Variants in FCGR1A observed in about 807,000 individuals in gnomAD.
FCGR1A encodes the protein Fc gamma receptor Ia.
FCGR1A carries 13 observed loss-of-function variants against 35.0 expected under a neutral mutation model. The observed-to-expected ratio is 0.37, with a 90% CI of 0.24 to 0.59. FCGR1A has a LOEUF of 0.59. FCGR1A is among the 20% of genes least tolerant of loss of function. The probability of loss-of-function intolerance (pLI) is 0.71; values close to 1 mark genes in which losing one functional copy is unlikely to be tolerated. For missense variants in FCGR1A, 227 were observed against 430.0 expected, an observed-to-expected ratio of 0.53 and a Z score of 4.17; for synonymous variants, 91 against 164.7, an observed-to-expected ratio of 0.55 and a Z score of 3.43.
At chr1:149,793,334 A>G (rs1382028943), downstream of FCGR1A, 1 of 1,147,628 alleles carries the variant, frequency 8.7e-7, no homozygotes, top group African/African-American at 1.7e-5. Flanking sequence ...CCTCACCGTC[A>G]AAAGCAGGAA....
downstream of FCGR1A, chr1:149,793,312 CCCAGCTGGTT>C (rs1331673241): frequency 8.6e-7 from 1 of 1,158,728 alleles, no homozygotes; most frequent in African/African-American, 1.7e-5. Context: ...CGGAGGACCT[CCCAGCTGGTT>C]CCCTCACCGT....
At chr1:149,785,276 G>C (rs2102031132) in intron 3 of FCGR1A, among the ~76,000 whole-genome samples, 1 of 152,216 alleles carries the variant, frequency 6.6e-6, no homozygotes, top group East Asian at 1.9e-4. Flanking sequence ...GTTGCTGTTA[G>C]AGGAAATGTG....
At chr1:149,792,769 C>G, downstream of FCGR1A, 1 of 1,278,778 alleles carries the variant, frequency 7.8e-7, no homozygotes. Flanking sequence ...TATTTGCATT[C>G]CTGGAGGCTG....
At position 149,791,555 on chromosome 1, in the gene FCGR1A, C is replaced by T. The variant is rs1553751935; in HGVS notation, c.*38C>T. 7 of 1,609,514 alleles carry T rather than the reference C, an allele frequency of 4.3e-6. No homozygotes were observed. Among genetic ancestry groups the T allele is most frequent in the Non-Finnish European group, 5.1e-6 (6 of 1,179,038 alleles). ...GGGTGGCCATCGATCTGGACCGTCCCCTGCCCACTTGCTCCCCGTGAGCAC... is the reference window on the plus strand; with the variant it reads ...GGGTGGCCATCGATCTGGACCGTCCTCTGCCCACTTGCTCCCCGTGAGCAC... On this transcript the variant is annotated 3_prime_UTR_variant, in exon 6 of 6. Coordinates refer to ENST00000369168, the MANE Select transcript of FCGR1A (RefSeq NM_000566.4).
intron 3 of FCGR1A, chr1:149,785,582 G>A (rs1553750736): frequency 6.6e-6 from 1 of 151,572 alleles, no homozygotes; most frequent in Non-Finnish European, 1.5e-5. Context: ...AAAGGACTAG[G>A]GCTGGGAAGA....
At chr1:149,785,113 A>G (rs2091506330) in intron 3 of FCGR1A, among the ~76,000 whole-genome samples, 2 of 152,244 alleles carry the variant, frequency 1.3e-5, no homozygotes. Context: ...AGACTGCAAT[A>G]TTCTTCAGGG....
downstream of FCGR1A, among the ~76,000 whole-genome samples, chr1:149,794,655 CAG>C (rs1371774209): frequency 1.9e-5 from 1 of 51,442 alleles, no homozygotes; most frequent in African/African-American, 8.5e-5. Context: ...GGAGGGAAAA[CAG>C]AGAATAAAAC....
Position 149,790,042 on chromosome 1 carries a change from CTT to C in FCGR1A, c.560-10_560-9del. On this transcript the variant is annotated splice_polypyrimidine_tract_variant and intron_variant, in intron 4 of 5. Coordinates refer to ENST00000369168, the MANE Select transcript of FCGR1A (RefSeq NM_000566.4). ...AACAGGCAACCTTGTCCCCCATCAA[CTT>C]TCTCCTTAGAGCTATTTCCAGCTCC... 2.5e-6 allele frequency: 4 copies of C among 1,613,010 alleles called. No homozygotes were observed.
At position 149,784,253 on chromosome 1, in the gene FCGR1A, C is replaced by T. The variant is rs1205519194; in HGVS notation, c.303C>T (p.His101=). The change falls in exon 3 of 6, where the codon CAC becomes CAT. Residue 101 remains histidine (H), a synonymous_variant. Transcript: ENST00000369168. ...GRSDPIQLEI[H]RGWLLLQVSS... ...GTGACCCCATACAGCTGGAAATCCA[C>T]AGAGGTAATTATGACTTGGACCAGG... 1 of 1,611,060 alleles carries T rather than the reference C, an allele frequency of 6.2e-7. No homozygotes were observed. The highest frequency in any genetic ancestry group is 1.7e-5 in the Admixed American group (1 of 59,980).
chr1:149,797,259 CTCTTAT>C, the FCGR1A span, among the ~76,000 whole-genome samples: 4 of 152,118 alleles, frequency 2.6e-5, no homozygotes, highest in African/African-American at 4.8e-5. Flanking sequence ...TTTTCTGTTT[CTCTTAT>C]TCTTTAATTC....
In FCGR1A at chr1:149,788,580, T is replaced by C. The variant is rs2102048933; in HGVS notation, c.522T>C (p.His174=). 6.2e-7 allele frequency: 1 copy of C among 1,613,980 alleles called. No homozygotes were observed. Among genetic ancestry groups the C allele is most frequent in the Non-Finnish European group, 8.5e-7 (1 of 1,179,868 alleles). ...ACCATTGCTCAGGCATGGGAAAGCATCGCTACACATCAGCAGGAATATCTG... is the reference window on the plus strand; with the variant it reads ...ACCATTGCTCAGGCATGGGAAAGCACCGCTACACATCAGCAGGAATATCTG... The part of the protein sequence containing the change: ...GTYHCSGMGK[H]RYTSAGISVT... The change falls in exon 4 of 6, where the codon CAT becomes CAC. Residue 174 remains histidine, a synonymous_variant. Transcript: ENST00000369168.
the FCGR1A span, among the ~76,000 whole-genome samples, chr1:149,799,913 T>C: frequency 6.6e-6 from 1 of 152,086 alleles, no homozygotes. Context: ...AAGCAATCAG[T>C]TCTGCAGTGG....
chr1:149,784,086 C>T lies in FCGR1A; in HGVS notation c.136C>T (p.Leu46Phe), dbSNP rs782120618. ...AACCGTAACCTTGCACTGTGAGGTG[C>T]TCCATCTGCCTGGGAGCAGCTCTAC... ...EETVTLHCEV[L>F]HLPGSSSTQW... Residue 46 changes from leucine to phenylalanine, a missense_variant, in exon 3 of 6, where the codon CTC becomes TTC. Transcript: ENST00000369168. 1 of 1,611,518 alleles carries T rather than the reference C, an allele frequency of 6.2e-7. No homozygotes were observed. Among genetic ancestry groups the T allele is most frequent in the South Asian group, 1.1e-5 (1 of 90,976 alleles).
intron 4 of FCGR1A, 123 bp from the exon 5 acceptor site, chr1:149,789,931 G>T (rs2091659013): frequency 1.9e-6 from 3 of 1,588,674 alleles, no homozygotes; most frequent in African/African-American, 1.4e-5. Flanking sequence ...AGTAAAAAGG[G>T]TTAATGCCTT....
chr1:149,785,574 A>G (rs1448509322), intron 3 of FCGR1A: 2 of 151,880 alleles, frequency 1.3e-5, no homozygotes, highest in Non-Finnish European at 2.9e-5. Flanking sequence ...TGACAACAAA[A>G]GGACTAGGGC....
At chr1:149,799,463 T>C in the FCGR1A span, among the ~76,000 whole-genome samples, 1 of 152,128 alleles carries the variant, frequency 6.6e-6, no homozygotes, top group Non-Finnish European at 1.5e-5. Flanking sequence ...TATGTATGCA[T>C]TTAGATCCTG....
At chr1:149,786,309 A>G (rs2091548944) in intron 3 of FCGR1A, 1 of 151,986 alleles carries the variant, frequency 6.6e-6, no homozygotes, top group East Asian at 1.9e-4. Flanking sequence ...GACTTACAGG[A>G]GTTATTTATA....
At position 149,790,267 on chromosome 1, in the gene FCGR1A, A is replaced by G. The variant is rs1553751579; in HGVS notation, c.773A>G (p.Tyr258Cys). ...GCTAGAAGAGAAGACTCTGGGTTAT[A>G]CTGGTGCGAGGCTGCCACAGAGGAT... ...LTARREDSGLYWCEAATEDGN... is the reference protein window; with the variant it reads ...LTARREDSGLCWCEAATEDGN... The change falls in exon 5 of 6, where the codon TAC becomes TGC. Residue 258 changes from tyrosine to cysteine, a missense_variant. Around this residue, in one of 3 missense-constraint regions of FCGR1A, gnomAD observed 185 missense variants for 306.6 expected, o/e 0.60. Transcript: ENST00000369168. 1.9e-6 allele frequency: 3 copies of G among 1,596,484 alleles called. No homozygotes were observed. In the African/African-American group the frequency reaches 4.0e-5, roughly 21 times the overall value.
At chr1:149,787,646 G>C (rs1253974631) in intron 3 of FCGR1A, 1 of 152,036 alleles carries the variant, frequency 6.6e-6, no homozygotes, top group Non-Finnish European at 1.5e-5. Flanking sequence ...AGTTTCCATG[G>C]GTCAGGACTC....
Sources: allele counts gnomAD v4.1 joint callset (sites outside exome capture counted in the v4.1 genomes callset), GRCh38; gene constraint gnomAD v4.1.1; regional missense constraint gnomAD v4.1.1; transcripts MANE v1.5; gene names NCBI Gene and HGNC (gene_info 2026-07-23, HGNC 2026-07-21).